The following SORCS3 variants were observed in gnomAD, a reference collection of about 807,000 sequenced individuals.
The protein encoded by SORCS3 is sortilin related VPS10 domain containing receptor 3, also known as VPS10 domain-containing receptor SorCS3.
SORCS3 carries 57 observed loss-of-function variants against 146.3 expected under a neutral mutation model. The observed-to-expected ratio is 0.39, with a 90% CI of 0.31 to 0.49. The LOEUF (loss-of-function observed/expected upper bound fraction) is 0.49. Ranked by LOEUF, SORCS3 falls within the 20% of genes least tolerant of loss-of-function variation. The pLI is 0.92. For synonymous variants in SORCS3, 653 were observed against 618.5 expected (o/e 1.06, Z -0.83); for missense variants, 1,341 against 1,575.5 (o/e 0.85, Z 2.52).
At chr10:104,765,839 G>A (rs2017173705) in intron 1 of SORCS3, among the ~76,000 whole-genome samples, 1 of 152,162 alleles carries the variant, frequency 6.6e-6, no homozygotes, top group Admixed American at 6.5e-5. Flanking sequence ...GAAATTAAGT[G>A]CAGTTCCCAA....
Position 104,970,472 on chromosome 10 carries a change from A to G in SORCS3, c.796-6863A>G, listed in dbSNP as rs893311856. Reference sequence around the variant, plus strand: ...CTTACCCATTATATTCGTCCTTTCAAACTCTGCGAGCACCACAGATGCTTC... The same window carrying G: ...CTTACCCATTATATTCGTCCTTTCAGACTCTGCGAGCACCACAGATGCTTC... On this transcript the variant is annotated intron_variant, in intron 3 of 26. Coordinates refer to ENST00000369701, the MANE Select transcript of SORCS3 (RefSeq NM_014978.3). Among the ~76,000 whole-genome samples the G allele has an allele frequency of 3.9e-5, 6 of 152,120 alleles. No homozygotes were observed. In the South Asian group the frequency reaches 1.2e-3, roughly 31 times the overall value.
chr10:104,751,924 C>CATATATATAT (rs71482435), intron 1 of SORCS3, among the ~76,000 whole-genome samples: 473 of 38,362 alleles, frequency 0.012, 48 homozygotes, highest in Middle Eastern at 0.028. Context: ...TAATAGGAAG[C>CATATATATAT]ATATATATAT....
chr10:105,018,458 C>T (rs995051140), intron 4 of SORCS3, among the ~76,000 whole-genome samples: 1 of 152,174 alleles, frequency 6.6e-6, no homozygotes, highest in Non-Finnish European at 1.5e-5. Context: ...ATCACATGAA[C>T]TAATTGGAGG....
At chr10:104,703,266 C>G (rs1000251850) in intron 1 of SORCS3, among the ~76,000 whole-genome samples, 11 of 152,134 alleles carry the variant, frequency 7.2e-5, no homozygotes, top group African/African-American at 2.4e-4. Context: ...AATGGTATTT[C>G]TGGTTCTAGA....
At chr10:104,666,242 A>G (rs1248204832) in intron 1 of SORCS3, 1 of 152,148 alleles carries the variant, frequency 6.6e-6, no homozygotes, top group African/African-American at 2.4e-5. Context: ...ATCTAGTGCC[A>G]GATTTTATTC....
At chr10:105,104,074 C>T (rs749708247) in intron 6 of SORCS3, among the ~76,000 whole-genome samples, 1 of 149,314 alleles carries the variant, frequency 6.7e-6, no homozygotes, top group African/African-American at 2.5e-5. Context: ...AATTGTTATA[C>T]ATTTTTTTCT....
At chr10:104,812,438 T>C (rs775195505) in intron 1 of SORCS3, among the ~76,000 whole-genome samples, 5 of 152,234 alleles carry the variant, frequency 3.3e-5, no homozygotes, top group Admixed American at 6.5e-5. Flanking sequence ...TTATTTCAGT[T>C]AAAGCAAATA....
intron 4 of SORCS3, among the ~76,000 whole-genome samples, chr10:105,025,837 A>AAC (rs57597161): frequency 0.11 from 14,824 of 135,190 alleles, 967 homozygotes; most frequent in African/African-American, 0.19. Context: ...TGTCTTCTCA[A>AAC]ACACACACAC....
At position 104,641,492 on chromosome 10, in the gene SORCS3, G is replaced by T; in HGVS notation, c.165G>T (p.Ala55=). The part of the protein sequence containing the change: ...RPAAPASRPP[A]LSPLSPRAVA... ...CGGCCCCGGCTTCGCGGCCACCGGC[G>T]TTGTCTCCACTCTCGCCGCGGGCAG... Residue 55 remains alanine (A), a synonymous_variant, in exon 1 of 27, where the codon GCG becomes GCT. Coordinates refer to ENST00000369701, the MANE Select transcript of SORCS3 (RefSeq NM_014978.3). This position sits in a 1 kb window ranked among gnomAD's most constrained non-coding sequence, Gnocchi z 6.4. 6.8e-7 allele frequency: 1 copy of T among 1,471,296 alleles called. No homozygotes were observed. 91.1% of individuals were successfully genotyped at this position (1,471,296 alleles called of 1,614,324 possible).
chr10:104,985,072 C>T (rs569616431), intron 4 of SORCS3, among the ~76,000 whole-genome samples: 4 of 152,134 alleles, frequency 2.6e-5, no homozygotes, highest in South Asian at 4.2e-4. Context: ...GACAACTCTT[C>T]GTTTCAGGAA....
intron 2 of SORCS3, among the ~76,000 whole-genome samples, chr10:104,854,392 TA>T (rs2018307071): frequency 6.6e-6 from 1 of 152,182 alleles, no homozygotes; most frequent in African/African-American, 2.4e-5. Flanking sequence ...CACACATTTT[TA>T]ATGCAAATTT....
chr10:105,165,687 G>T (rs1031669764), intron 12 of SORCS3, among the ~76,000 whole-genome samples: 1 of 152,036 alleles, frequency 6.6e-6, no homozygotes, highest in Non-Finnish European at 1.5e-5. Flanking sequence ...GCCAAAGGAG[G>T]GTGGAAGCTG....
At chr10:104,724,682 T>C (rs2016600318) in intron 1 of SORCS3, among the ~76,000 whole-genome samples, 1 of 152,226 alleles carries the variant, frequency 6.6e-6, no homozygotes, top group South Asian at 2.1e-4. Context: ...TTTCTTTTTA[T>C]TCTTTTTTCT....
intron 1 of SORCS3, among the ~76,000 whole-genome samples, chr10:104,732,545 C>G (rs1158207338): frequency 6.6e-6 from 1 of 152,146 alleles, no homozygotes; most frequent in South Asian, 2.1e-4. Flanking sequence ...GCTGTGCCCC[C>G]AAGGGGGTGG....
At chr10:105,180,246 C>G (rs1263288381) in intron 14 of SORCS3, among the ~76,000 whole-genome samples, 2 of 152,180 alleles carry the variant, frequency 1.3e-5, no homozygotes, top group Non-Finnish European at 2.9e-5. Context: ...TTCACACACA[C>G]AGTAGGTGAC....
chr10:104,885,963 A>G (rs571118902), intron 2 of SORCS3, among the ~76,000 whole-genome samples: 1 of 152,296 alleles, frequency 6.6e-6, no homozygotes, highest in East Asian at 1.9e-4. Flanking sequence ...TCAAGCAGGA[A>G]CACTAGAGAT....
intron 2 of SORCS3, among the ~76,000 whole-genome samples, chr10:104,858,339 A>G (rs557179003): frequency 2.6e-5 from 4 of 152,320 alleles, no homozygotes; most frequent in Non-Finnish European, 5.9e-5. Flanking sequence ...CTATTTTTAT[A>G]TAATGTTTGA....
intron 20 of SORCS3, among the ~76,000 whole-genome samples, chr10:105,243,632 T>G (rs1171530781): frequency 6.6e-6 from 1 of 152,178 alleles, no homozygotes; most frequent in Non-Finnish European, 1.5e-5. Context: ...ATGCCTGAAC[T>G]CTGAGGTTTG....
intron 14 of SORCS3, among the ~76,000 whole-genome samples, chr10:105,198,766 G>GAGAT (rs1216126733): frequency 2.6e-5 from 4 of 152,178 alleles, no homozygotes; most frequent in African/African-American, 9.6e-5. Context: ...TACTAAAGGA[G>GAGAT]AGATCCTGTC....
Sources: allele counts gnomAD v4.1 joint callset (sites outside exome capture counted in the v4.1 genomes callset), GRCh38; gene constraint gnomAD v4.1.1; non-coding constraint Gnocchi (gnomAD v3.1); transcripts MANE v1.5; gene names NCBI Gene and HGNC (gene_info 2026-07-23, HGNC 2026-07-21).